Variants in FKBP5 observed in about 807,000 individuals in gnomAD.
FKBP5 encodes the protein FKBP prolyl isomerase 5, also known as peptidyl-prolyl cis-trans isomerase FKBP5.
In FKBP5, 23 loss-of-function variants were observed where a neutral mutation model predicts 50.5. The ratio of observed to expected loss-of-function variants is 0.46; its 90% CI spans 0.33 to 0.65. The LOEUF is 0.65. FKBP5 is among the 30% of genes least tolerant of loss of function. FKBP5 has a pLI of 0.02. For missense variants in FKBP5, 411 were observed against 553.1 expected (o/e 0.74, Z 2.58); for synonymous variants, 176 against 190.6 (o/e 0.92, Z 0.63).
intron 2 of FKBP5, among the ~76,000 whole-genome samples, chr6:35,637,395 TCAAAGAATTAAC>T (rs984631348): frequency 6.6e-6 from 1 of 152,088 alleles, no homozygotes; most frequent in African/African-American, 2.4e-5. Flanking sequence ...ATTTATTCCT[TCAAAGAATTAAC>T]CAATAAATCC....
chr6:35,622,727 A>G (rs1763882868), intron 3 of FKBP5, among the ~76,000 whole-genome samples: 2 of 152,172 alleles, frequency 1.3e-5, no homozygotes, highest in Admixed American at 6.5e-5. Context: ...CATTTATTAT[A>G]TATCTTCATC....
chr6:35,703,250 CA>C (rs987135404), intron 2 of FKBP5, among the ~76,000 whole-genome samples: 101 of 136,746 alleles, frequency 7.4e-4, no homozygotes, highest in African/African-American at 1.1e-3. Context: ...GACTCCATCT[CA>C]AAAAAAAAAA....
At chr6:35,652,259 G>T (rs1225504148) in intron 1 of FKBP5, among the ~76,000 whole-genome samples, 1 of 151,798 alleles carries the variant, frequency 6.6e-6, no homozygotes, top group Admixed American at 6.5e-5. Flanking sequence ...CAGCATGTGT[G>T]TTTGAGCAAT....
intron 1 of FKBP5, among the ~76,000 whole-genome samples, chr6:35,649,712 C>T (rs989124968): frequency 9.2e-5 from 14 of 151,952 alleles, no homozygotes; most frequent in African/African-American, 3.4e-4. Flanking sequence ...GAGTAGAGAG[C>T]AAAGGCTTGA....
At chr6:35,645,934 G>C (rs1764617283) in intron 1 of FKBP5, among the ~76,000 whole-genome samples, 1 of 152,148 alleles carries the variant, frequency 6.6e-6, no homozygotes, top group Non-Finnish European at 1.5e-5. Flanking sequence ...TGGCCAACAT[G>C]ATGAAACCCC....
intron 6 of FKBP5, among the ~76,000 whole-genome samples, chr6:35,592,774 T>G (rs1356498052): frequency 6.6e-6 from 1 of 152,180 alleles, no homozygotes; most frequent in African/African-American, 2.4e-5. Flanking sequence ...TCTAGAAATA[T>G]TATGGGTTGT....
intron 2 of FKBP5, among the ~76,000 whole-genome samples, chr6:35,710,205 G>A (rs565468766): frequency 6.6e-6 from 1 of 152,172 alleles, no homozygotes; most frequent in Non-Finnish European, 1.5e-5. Flanking sequence ...AGGGCTGGGC[G>A]CAGTGGTTCA....
At chr6:35,598,157 A>G (rs1763036395) in intron 5 of FKBP5, among the ~76,000 whole-genome samples, 1 of 152,204 alleles carries the variant, frequency 6.6e-6, no homozygotes, top group Admixed American at 6.5e-5. Flanking sequence ...TATTAAAATA[A>G]GAGGCTTTTT....
chr6:35,599,541 G>A (rs1343303197), intron 5 of FKBP5, among the ~76,000 whole-genome samples: 3 of 152,040 alleles, frequency 2.0e-5, no homozygotes, highest in Non-Finnish European at 2.9e-5. Context: ...ATGTGCTGCC[G>A]AAGTGAGTAC....
chr6:35,656,897 AAAAAAAAAAAAAG>A (rs1764967710), intron 1 of FKBP5, among the ~76,000 whole-genome samples: 1 of 120,476 alleles, frequency 8.3e-6, no homozygotes, highest in African/African-American at 4.6e-5. Flanking sequence ...CTCCGTCTCA[AAAAAAAAAAAAAG>A]AAAAAAGAAA....
chr6:35,602,551 C>T (rs1344633116), intron 5 of FKBP5, among the ~76,000 whole-genome samples: 1 of 152,024 alleles, frequency 6.6e-6, no homozygotes. Flanking sequence ...GAGCTTCTTT[C>T]TGCCTGTGTC....
At chr6:35,702,554 G>A (rs754364519) in intron 2 of FKBP5, among the ~76,000 whole-genome samples, 16 of 151,512 alleles carry the variant, frequency 1.1e-4, no homozygotes, top group Middle Eastern at 6.8e-3. Context: ...CTGGATTCAC[G>A]CCATTCTACT....
intron 8 of FKBP5, chr6:35,582,156 CACTT>C (rs371699429): frequency 1.0e-6 from 1 of 983,236 alleles, no homozygotes; most frequent in Non-Finnish European, 1.2e-6. Context: ...CCAAGTCACT[CACTT>C]AGGAGAGGGA....
intron 1 of FKBP5, among the ~76,000 whole-genome samples, chr6:35,678,711 C>T (rs988109261): frequency 1.3e-5 from 2 of 151,938 alleles, no homozygotes; most frequent in African/African-American, 2.4e-5. Flanking sequence ...AACAAAATTT[C>T]GGGAAAAAAC....
At chr6:35,673,139 C>T (rs1008842604) in intron 1 of FKBP5, among the ~76,000 whole-genome samples, 2 of 152,134 alleles carry the variant, frequency 1.3e-5, no homozygotes, top group Non-Finnish European at 2.9e-5. Context: ...TATGGCCAGA[C>T]GCTAAGCTTA....
intron 3 of FKBP5, among the ~76,000 whole-genome samples, chr6:35,636,630 C>G (rs931856129): frequency 1.3e-5 from 2 of 152,134 alleles, no homozygotes; most frequent in East Asian, 1.9e-4. Flanking sequence ...GACATTTTTA[C>G]GTGAAACTAG....
At chr6:35,667,416 C>T (rs144962745) in intron 1 of FKBP5, among the ~76,000 whole-genome samples, 190 of 152,264 alleles carry the variant, frequency 1.2e-3, no homozygotes, top group African/African-American at 4.4e-3. Flanking sequence ...ATGCCTATTA[C>T]GCTTATGGCT....
intron 7 of FKBP5, among the ~76,000 whole-genome samples, chr6:35,587,374 G>A (rs575186768): frequency 1.8e-4 from 27 of 152,302 alleles, no homozygotes; most frequent in African/African-American, 3.6e-4. Context: ...ACACAGTAAG[G>A]AACGTACTCT....
intron 3 of FKBP5, among the ~76,000 whole-genome samples, chr6:35,628,114 A>AG (rs1764055102): frequency 6.6e-6 from 1 of 151,956 alleles, no homozygotes; most frequent in Non-Finnish European, 1.5e-5. Flanking sequence ...TGCAAGGTTT[A>AG]GATCTTGCAT....
Sources: allele counts gnomAD v4.1 joint callset (sites outside exome capture counted in the v4.1 genomes callset), GRCh38; gene constraint gnomAD v4.1.1; transcripts MANE v1.5; gene names NCBI Gene and HGNC (gene_info 2026-07-23, HGNC 2026-07-21).